BCHE: variants seen among roughly 807,000 people sequenced by gnomAD.
BCHE encodes butyrylcholinesterase.
A neutral mutation model predicts 51.3 loss-of-function variants in BCHE; 48 were observed. The ratio of observed to expected loss-of-function variants is 0.94; its 90% CI spans 0.74 to 1.19. The LOEUF (loss-of-function observed/expected upper bound fraction) is 1.19, where lower values mean the gene tolerates loss of function less well. Among genes scored for constraint, BCHE ranks in the 50% most tolerant of loss-of-function variants. BCHE has a pLI of 0.00. For missense variants in BCHE, 847 were observed against 708.2 expected (o/e 1.20, Z -2.23); for synonymous variants, 251 against 238.0 (o/e 1.05, Z -0.50).
intron 2 of BCHE, among the ~76,000 whole-genome samples, chr3:165,811,817 T>G (rs1408471399): frequency 6.6e-6 from 1 of 151,920 alleles, no homozygotes; most frequent in Non-Finnish European, 1.5e-5. Context: ...GAAATAATAA[T>G]CAAAACAGTA....
chr3:165,785,743 T>A (rs1560004259), intron 3 of BCHE, among the ~76,000 whole-genome samples: 1 of 151,694 alleles, frequency 6.6e-6, no homozygotes. Context: ...TATCAATAAA[T>A]CTGTTTTTAC....
chr3:165,801,144 A>G (rs1216651491), intron 2 of BCHE, among the ~76,000 whole-genome samples: 1 of 152,204 alleles, frequency 6.6e-6, no homozygotes, highest in Non-Finnish European at 1.5e-5. Flanking sequence ...GCTCTCATGC[A>G]TGCTAAATAT....
chr3:165,801,939 C>T (rs563776099), intron 2 of BCHE, among the ~76,000 whole-genome samples: 1 of 152,312 alleles, frequency 6.6e-6, no homozygotes, highest in South Asian at 2.1e-4. Context: ...ATATTACACA[C>T]ACTGCATACA....
At position 165,778,015 on chromosome 3, in the gene BCHE, C is replaced by G. The variant is rs546156094; in HGVS notation, c.1685-4509G>C. 7.2e-5 allele frequency among the ~76,000 whole-genome samples: 11 copies of G among 152,148 alleles called. 1 individual carries two copies. In the South Asian group the frequency reaches 2.3e-3, roughly 31 times the overall value. On this transcript the variant is annotated intron_variant, in intron 3 of 3. Transcript: ENST00000264381. ...CAGTCAAGTAGGCTTAATTAGTCAA[C>G]TTAATCAGTAGTTAAATTTTGGGGG...
At chr3:165,810,452 C>G (rs542547426) in intron 2 of BCHE, among the ~76,000 whole-genome samples, 64 of 152,282 alleles carry the variant, frequency 4.2e-4, no homozygotes, top group African/African-American at 1.4e-3. Context: ...AAGAGATTCA[C>G]TGAGTACTTT....
chr3:165,799,889 A>G (rs779763197), intron 2 of BCHE, among the ~76,000 whole-genome samples: 1 of 151,600 alleles, frequency 6.6e-6, no homozygotes, highest in African/African-American at 2.4e-5. Context: ...AAAATGCCAT[A>G]TTTTTCCACA....
In BCHE at chr3:165,837,340, A is replaced by C. The variant is rs1218225232; in HGVS notation, c.-35T>G. Reference sequence around the variant, plus strand: ...CGATTCTCTGCAACAAAGATGGCAAAGTTTGCAAGGAGTGAAAATCATGTA... The same window carrying C: ...CGATTCTCTGCAACAAAGATGGCAACGTTTGCAAGGAGTGAAAATCATGTA... On this transcript the variant is annotated 5_prime_UTR_variant, in exon 1 of 4. Transcript: ENST00000264381. 3.1e-6 allele frequency: 4 copies of C among 1,289,622 alleles called. No homozygotes were observed. The African/African-American group carries it at 6.1e-5, about 20-fold the overall frequency. The allele number at this position is 1,289,622 out of a possible 1,614,324, so 79.9% of individuals were successfully genotyped here.
At chr3:165,831,997 A>G (rs1316182556) in intron 1 of BCHE, among the ~76,000 whole-genome samples, 1 of 152,182 alleles carries the variant, frequency 6.6e-6, no homozygotes, top group Non-Finnish European at 1.5e-5. Context: ...CACAGTCAGA[A>G]TTATTTGCAT....
chr3:165,820,792 C>T (rs1714486849), intron 2 of BCHE, among the ~76,000 whole-genome samples: 1 of 151,930 alleles, frequency 6.6e-6, no homozygotes, highest in South Asian at 2.1e-4. Flanking sequence ...CTGTTCTCTG[C>T]CCTTACCTCT....
chr3:165,775,277 T>G (rs990377305), intron 3 of BCHE, among the ~76,000 whole-genome samples: 2 of 151,944 alleles, frequency 1.3e-5, no homozygotes, highest in Non-Finnish European at 2.9e-5. Flanking sequence ...TCACAATGCT[T>G]GGACATTGGA....
chr3:165,808,060 T>C (rs981382634), intron 2 of BCHE, among the ~76,000 whole-genome samples: 1 of 151,968 alleles, frequency 6.6e-6, no homozygotes, highest in African/African-American at 2.4e-5. Context: ...CTCAGCTCAC[T>C]GCAAACTCCG....
intron 2 of BCHE, among the ~76,000 whole-genome samples, chr3:165,824,867 T>C (rs1315936372): frequency 1.3e-5 from 2 of 152,038 alleles, no homozygotes; most frequent in Non-Finnish European, 2.9e-5. Context: ...AGGTATACCA[T>C]ATTCATGGAT....
intron 3 of BCHE, among the ~76,000 whole-genome samples, chr3:165,774,973 A>AAT (rs914884344): frequency 2.0e-5 from 3 of 152,186 alleles, no homozygotes; most frequent in Non-Finnish European, 2.9e-5. Context: ...CATAATAAGC[A>AAT]ATATATATAA....
At chr3:165,773,688 A>G (rs1712347027) in intron 3 of BCHE, among the ~76,000 whole-genome samples, 182 bp from the exon 4 acceptor site, 1 of 152,062 alleles carries the variant, frequency 6.6e-6, no homozygotes, top group South Asian at 2.1e-4. Flanking sequence ...TAAAATCTTT[A>G]CAGATTATGT....
chr3:165,777,207 T>G (rs550649706), intron 3 of BCHE, among the ~76,000 whole-genome samples: 1 of 152,060 alleles, frequency 6.6e-6, no homozygotes, highest in South Asian at 2.1e-4. Flanking sequence ...AACTTTATTA[T>G]TTCTTAAATA....
chr3:165,781,005 G>A (rs1027523511), intron 3 of BCHE, among the ~76,000 whole-genome samples: 1 of 152,126 alleles, frequency 6.6e-6, no homozygotes. Context: ...ACTTTGGGAG[G>A]CCGAGGTAGG....
intron 1 of BCHE, among the ~76,000 whole-genome samples, chr3:165,831,645 C>T (rs1264596111): frequency 6.6e-6 from 1 of 152,122 alleles, no homozygotes; most frequent in Non-Finnish European, 1.5e-5. Flanking sequence ...ACAATTTATT[C>T]ACAGAATATT....
intron 2 of BCHE, among the ~76,000 whole-genome samples, chr3:165,797,167 C>CCTTCCCT (rs1713417192): frequency 1.7e-5 from 2 of 120,432 alleles, no homozygotes; most frequent in African/African-American, 3.1e-5. Context: ...CTTCTTCCCT[C>CCTTCCCT]CCTTCCTTCC....
intron 2 of BCHE, among the ~76,000 whole-genome samples, chr3:165,802,482 T>C (rs1331510489): frequency 6.6e-6 from 1 of 152,152 alleles, no homozygotes; most frequent in Non-Finnish European, 1.5e-5. Flanking sequence ...GCTATTGTAG[T>C]AAACCAGAAA....
Sources: gnomAD v4.1 joint callset for allele counts (sites outside exome capture counted in the v4.1 genomes callset) on GRCh38, gnomAD v4.1.1 for gene constraint, MANE v1.5 for transcripts, NCBI Gene and HGNC (gene_info 2026-07-23, HGNC 2026-07-21) for gene names.